Variants in KHDRBS2 observed in about 807,000 individuals in gnomAD.
The protein encoded by KHDRBS2 is KH domain-containing, RNA-binding, signal transduction-associated protein 2.
KHDRBS2 carries 26 observed loss-of-function variants against 44.3 expected under a neutral mutation model. The ratio of observed to expected loss-of-function variants is 0.59; its 90% confidence interval spans 0.43 to 0.81. KHDRBS2 has a LOEUF of 0.81. KHDRBS2 is among the 40% of genes least tolerant of loss of function. The pLI is 0.00. For synonymous variants in KHDRBS2, 194 were observed against 151.1 expected (o/e 1.28, Z -2.08); for missense variants, 476 against 433.1 (o/e 1.10, Z -0.88).
At chr6:61,836,171 G>A (rs1160441922) in intron 6 of KHDRBS2, among the ~76,000 whole-genome samples, 1 of 151,858 alleles carries the variant, frequency 6.6e-6, no homozygotes, top group African/African-American at 2.4e-5. Context: ...GAACTGTCTT[G>A]GAGATTTATG....
intron 4 of KHDRBS2, among the ~76,000 whole-genome samples, chr6:61,934,357 T>C (rs1020965547): frequency 1.3e-5 from 2 of 152,122 alleles, no homozygotes; most frequent in African/African-American, 4.8e-5. Context: ...TGAGGTCTTA[T>C]CCAAAAAATC....
the KHDRBS2 span, among the ~76,000 whole-genome samples, chr6:61,631,578 G>T: frequency 6.6e-6 from 1 of 152,110 alleles, no homozygotes; most frequent in Non-Finnish European, 1.5e-5. Flanking sequence ...ATTGTGTCTT[G>T]AATGTCAACC....
At chr6:61,658,634 A>G in the KHDRBS2 span, among the ~76,000 whole-genome samples, 1 of 151,968 alleles carries the variant, frequency 6.6e-6, no homozygotes, top group Non-Finnish European at 1.5e-5. Context: ...TACTTAGTCA[A>G]TGCAGTAGGG....
At chr6:61,925,049 T>C (rs895851717) in intron 4 of KHDRBS2, among the ~76,000 whole-genome samples, 3 of 152,186 alleles carry the variant, frequency 2.0e-5, no homozygotes, top group Admixed American at 2.0e-4. Context: ...TTAATGACCA[T>C]CTTTTTTATA....
chr6:61,681,006 G>A lies in KHDRBS2; in HGVS notation c.1007C>T (p.Ser336Leu), dbSNP rs1582130117. The change falls in exon 9 of 9, where the codon TCA (serine) becomes TTA (leucine). Residue 336 changes from serine to leucine, a missense_variant. Transcript: ENST00000281156. ...RSSLKAPPQR[S>L]ARGGYREHPY... is the part of the protein sequence containing the mutation. ...GTGTTCCCTGTATCCCCCTCTGGCT[G>A]ACCTTTGCGGTGGTGCCTTCAAGCT... is the stretch of plus-strand genomic sequence containing the variant. 1 of 1,611,848 alleles carries A rather than the reference G, an allele frequency of 6.2e-7. No homozygotes were observed. The highest frequency in any genetic ancestry group is 2.2e-5 in the East Asian group (1 of 44,740).
At chr6:61,792,363 T>A (rs1784750088) in intron 6 of KHDRBS2, among the ~76,000 whole-genome samples, 1 of 151,618 alleles carries the variant, frequency 6.6e-6, no homozygotes, top group South Asian at 2.1e-4. Context: ...TTTATTTATC[T>A]TTTTAAAGCA....
At chr6:62,186,081 A>G (rs1407880135) in intron 1 of KHDRBS2, among the ~76,000 whole-genome samples, 1 of 152,012 alleles carries the variant, frequency 6.6e-6, no homozygotes, top group East Asian at 1.9e-4. Context: ...TGGATACAGT[A>G]TTGTATCTGC....
At chr6:61,884,742 C>G (rs1800685932) in intron 6 of KHDRBS2, among the ~76,000 whole-genome samples, 1 of 149,240 alleles carries the variant, frequency 6.7e-6, no homozygotes, top group African/African-American at 2.5e-5. Context: ...AGGAAATTAA[C>G]AACACTAACT....
intron 7 of KHDRBS2, among the ~76,000 whole-genome samples, chr6:61,711,791 A>G (rs1326696756): frequency 6.6e-6 from 1 of 151,916 alleles, no homozygotes; most frequent in East Asian, 1.9e-4. Flanking sequence ...TGAAATGGGA[A>G]TTATGATATA....
intron 1 of KHDRBS2, among the ~76,000 whole-genome samples, chr6:62,202,789 A>G (rs1188988915): frequency 6.6e-6 from 1 of 152,132 alleles, no homozygotes; most frequent in East Asian, 1.9e-4. Context: ...TCAGTCTATG[A>G]TTTCAAAGGA....
intron 4 of KHDRBS2, among the ~76,000 whole-genome samples, chr6:61,913,514 T>A (rs780560617): frequency 9.3e-5 from 14 of 151,146 alleles, no homozygotes; most frequent in Non-Finnish European, 8.8e-5. Flanking sequence ...AATATATGAA[T>A]ATTATATATA....
At chr6:62,072,167 C>T (rs1439568666) in intron 2 of KHDRBS2, among the ~76,000 whole-genome samples, 1 of 152,136 alleles carries the variant, frequency 6.6e-6, no homozygotes, top group Non-Finnish European at 1.5e-5. Flanking sequence ...TATAAGAGTG[C>T]TTGTGATTTT....
intron 6 of KHDRBS2, among the ~76,000 whole-genome samples, chr6:61,848,489 ATG>A (rs1554236538): frequency 0.15 from 6,441 of 42,860 alleles, 686 homozygotes; most frequent in South Asian, 0.21. Context: ...ATATATATAT[ATG>A]TATATATATA....
Position 62,120,751 on chromosome 6 carries a change from G to A in KHDRBS2, c.219+56434C>T, listed in dbSNP as rs190699498. Among the ~76,000 whole-genome samples the A allele has an allele frequency of 5.3e-4, 81 of 152,212 alleles. 1 individual carries two copies. The highest frequency in any genetic ancestry group is 1.8e-3 in the African/African-American group (75 of 41,514). The stretch of plus-strand genomic sequence containing the variant: ...TAAATTATAAAAATAGAGAATCATG[G>A]CCCTTCAATCAATTTAGGACTTGAA... On this transcript the variant is annotated intron_variant, in intron 2 of 8. Coordinates refer to ENST00000281156, the MANE Select transcript of KHDRBS2 (RefSeq NM_152688.4).
intron 6 of KHDRBS2, among the ~76,000 whole-genome samples, chr6:61,752,759 T>C (rs1277746411): frequency 6.8e-6 from 1 of 147,846 alleles, no homozygotes; most frequent in Non-Finnish European, 1.5e-5. Context: ...AGACAGAGAA[T>C]AAACAAAAAG....
chr6:62,215,869 G>A (rs566141812), intron 1 of KHDRBS2, among the ~76,000 whole-genome samples: 3 of 151,664 alleles, frequency 2.0e-5, no homozygotes, highest in Non-Finnish European at 4.4e-5. Context: ...TTACTTAAAT[G>A]AGAGATAATC....
intron 4 of KHDRBS2, among the ~76,000 whole-genome samples, chr6:61,912,980 T>C (rs1806323400): frequency 6.6e-6 from 1 of 152,106 alleles, no homozygotes; most frequent in South Asian, 2.1e-4. Context: ...TTTAAGACCA[T>C]TAAGCCAAAC....
chr6:61,793,242 T>C (rs1021389845), intron 6 of KHDRBS2, among the ~76,000 whole-genome samples: 1 of 151,968 alleles, frequency 6.6e-6, no homozygotes, highest in African/African-American at 2.4e-5. Flanking sequence ...TATTTATAAA[T>C]AGATTTCAGA....
Position 62,242,669 on chromosome 6 carries a change from A to T in KHDRBS2, c.91+43189T>A, listed in dbSNP as rs191316095. 1.5e-3 allele frequency among the ~76,000 whole-genome samples: 227 copies of T among 152,310 alleles called. 1 individual carries two copies. Among genetic ancestry groups the T allele is most frequent in the African/African-American group, 5.3e-3 (222 of 41,572 alleles). On this transcript the variant is annotated intron_variant, in intron 1 of 8. Coordinates refer to ENST00000281156, the MANE Select transcript of KHDRBS2 (RefSeq NM_152688.4). ...AATATTTTTCCCCTAGGAGTTAACT[A>T]CATTTTATTCCAAAATACAGTCTTC...
Sources: allele counts gnomAD v4.1 joint callset (sites outside exome capture counted in the v4.1 genomes callset), GRCh38; gene constraint gnomAD v4.1.1; transcripts MANE v1.5; gene names NCBI Gene and HGNC (gene_info 2026-07-23, HGNC 2026-07-21).